Variants in LPCAT2 observed in about 807,000 individuals in gnomAD.
LPCAT2 encodes 1-AGP acyltransferase 11.
LPCAT2 carries 58 observed loss-of-function variants against 64.7 expected under a neutral mutation model. That is an observed-to-expected ratio of 0.90 (90% CI 0.73 to 1.12). The LOEUF (loss-of-function observed/expected upper bound fraction) is 1.12. Ranked by LOEUF, LPCAT2 falls within the 50% of genes most tolerant of loss-of-function variation. The probability of loss-of-function intolerance (pLI) is 0.00; values close to 1 mark genes in which losing one functional copy is unlikely to be tolerated. For synonymous variants in LPCAT2, 252 were observed against 245.3 expected (o/e 1.03, Z -0.26); for missense variants, 579 against 669.8 (o/e 0.86, Z 1.50).
chr16:55,561,822 G>T (rs1171591344), intron 11 of LPCAT2, among the ~76,000 whole-genome samples: 4 of 151,798 alleles, frequency 2.6e-5, no homozygotes, highest in African/African-American at 9.7e-5. Context: ...GAAGACATTT[G>T]GTTTTTGGTG....
chr16:55,537,651 G>A lies in LPCAT2; in HGVS notation c.852+19G>A, dbSNP rs10521321. 119,444 of 1,609,732 alleles carry A rather than the reference G, an allele frequency of 0.074. 6,379 individuals are homozygous for A. The highest frequency in any genetic ancestry group is 0.2 in the African/African-American group (14,818 of 74,718). Reference sequence around the variant, plus strand: ...AGTTGAGGTAAGTCATTCAAAATGTGGCCTTGGAACTTGAGATTTGGCCTT... The same window carrying A: ...AGTTGAGGTAAGTCATTCAAAATGTAGCCTTGGAACTTGAGATTTGGCCTT... On this transcript the variant is annotated intron_variant, in intron 8 of 13. Coordinates refer to ENST00000262134, the MANE Select transcript of LPCAT2 (RefSeq NM_017839.5).
chr16:55,511,158 G>A (rs1962926525), intron 1 of LPCAT2, among the ~76,000 whole-genome samples: 1 of 152,044 alleles, frequency 6.6e-6, no homozygotes, highest in Non-Finnish European at 1.5e-5. Context: ...GAAATAATCT[G>A]TTATTGTTTG....
chr16:55,578,792 G>A (rs1472746776), intron 12 of LPCAT2, among the ~76,000 whole-genome samples: 2 of 152,134 alleles, frequency 1.3e-5, no homozygotes, highest in Non-Finnish European at 2.9e-5. Flanking sequence ...TTTTCTTCAT[G>A]TTCTAAGACC....
chr16:55,574,357 G>C (rs1006339698), intron 11 of LPCAT2, among the ~76,000 whole-genome samples: 12 of 152,124 alleles, frequency 7.9e-5, no homozygotes, highest in African/African-American at 2.9e-4. Flanking sequence ...TCATGGCAAA[G>C]CTGAGCTCAA....
chr16:55,519,753 C>T (rs984171933), intron 1 of LPCAT2, among the ~76,000 whole-genome samples: 1 of 152,010 alleles, frequency 6.6e-6, no homozygotes, highest in Non-Finnish European at 1.5e-5. Flanking sequence ...TAAAACATAA[C>T]AATACTGAAA....
chr16:55,579,176 T>C lies in LPCAT2; in HGVS notation c.1382T>C (p.Leu461Pro), dbSNP rs1259359082. ...EEFSTILQAS[L>P]GVPDLDVSGL... ...TTCTCCACCATTCTACAGGCTTCCC[T>C]TGGAGTGCCTGACCTTGATGTTTCT... The change falls in exon 13 of 14, where the codon CTT becomes CCT. Residue 461 changes from leucine to proline, a missense_variant. Transcript: ENST00000262134. 6.2e-7 allele frequency: 1 copy of C among 1,613,484 alleles called. No individual in the cohort carries two copies. The highest frequency in any genetic ancestry group is 1.7e-5 in the Admixed American group (1 of 59,966).
At chr16:55,549,220 A>G in intron 9 of LPCAT2, 57 bp from the exon 10 acceptor site, 1 of 1,397,180 alleles carries the variant, frequency 7.2e-7, no homozygotes, top group Non-Finnish European at 9.7e-7. Context: ...CTAGTGAAAT[A>G]TGATTACTTT....
chr16:55,551,014 G>C lies in LPCAT2; in HGVS notation c.1127G>C (p.Gly376Ala), dbSNP rs201105560. 9.3e-6 allele frequency: 15 copies of C among 1,612,968 alleles called. No individual in the cohort carries two copies. Among genetic ancestry groups the C allele is most frequent in the Non-Finnish European group, 1.3e-5 (15 of 1,179,340 alleles). Residue 376 changes from glycine (G) to alanine (A), a missense_variant, in exon 11 of 14, where the codon GGA (glycine) becomes GCA (alanine). Physicochemically the swap from Gly to Ala is moderately conservative, Grantham distance 60. Transcript: ENST00000262134. ...EYASIASSSK[G>A]GRIGIEEFAK... ...GCATCTATTGCGAGTTCCTCAAAAGGAGGAAGAATTGGAATTGAAGAATTC... is the reference window on the plus strand; with the variant it reads ...GCATCTATTGCGAGTTCCTCAAAAGCAGGAAGAATTGGAATTGAAGAATTC...
intron 11 of LPCAT2, among the ~76,000 whole-genome samples, chr16:55,567,870 A>T (rs887734730): frequency 6.6e-6 from 1 of 152,086 alleles, no homozygotes; most frequent in African/African-American, 2.4e-5. Flanking sequence ...TTAAGAATGA[A>T]TTTTTTTAAT....
chr16:55,584,302 G>C lies in LPCAT2; in HGVS notation c.*1204G>C, dbSNP rs1312163449. ...AGTGGACTCTCAAATTTTAGAACTT[G>C]TGTGAAATATCTCCCAGAAAACACA... On this transcript the variant is annotated 3_prime_UTR_variant, in exon 14 of 14. Transcript: ENST00000262134. The C allele has an allele frequency of 6.6e-6, 1 of 152,128 alleles. No homozygotes were observed. Among genetic ancestry groups the C allele is most frequent in the Non-Finnish European group, 1.5e-5 (1 of 68,014 alleles). The allele number at this position is 152,128 out of a possible 1,614,324, so 9.4% of individuals were successfully genotyped here. A position where few individuals can be genotyped will look rare whatever the true frequency, so the allele number is the denominator to read the frequency against.
intron 3 of LPCAT2, 21 bp from the exon 4 acceptor site, chr16:55,529,814 A>G (rs1963225511): frequency 6.5e-7 from 1 of 1,536,626 alleles, no homozygotes; most frequent in Admixed American, 1.9e-5. Context: ...GCTTGCCTGT[A>G]ACTTTTCATT....
chr16:55,571,905 T>A (rs535357180), intron 11 of LPCAT2, among the ~76,000 whole-genome samples: 1 of 152,268 alleles, frequency 6.6e-6, no homozygotes, highest in South Asian at 2.1e-4. Flanking sequence ...TTTTCATTGG[T>A]AAAATGAAGA....
At chr16:55,552,788 G>A (rs1320782896) in intron 11 of LPCAT2, among the ~76,000 whole-genome samples, 2 of 152,186 alleles carry the variant, frequency 1.3e-5, no homozygotes, top group African/African-American at 4.8e-5. Flanking sequence ...TCAGCAAGTT[G>A]TAATCTTCTT....
At chr16:55,574,040 TG>T (rs1458988981) in intron 11 of LPCAT2, among the ~76,000 whole-genome samples, 2 of 152,218 alleles carry the variant, frequency 1.3e-5, no homozygotes, top group African/African-American at 4.8e-5. Context: ...TTATTTTCAT[TG>T]GCTTAGAAGT....
At chr16:55,529,775 A>G in intron 3 of LPCAT2, 60 bp from the exon 4 acceptor site, 1 of 800,298 alleles carries the variant, frequency 1.2e-6, no homozygotes, top group Non-Finnish European at 2.0e-6. Context: ...ATCCAGTATT[A>G]TTGCTGTGGT....
intron 7 of LPCAT2, among the ~76,000 whole-genome samples, chr16:55,535,251 A>G (rs1236240283): frequency 6.6e-6 from 1 of 152,188 alleles, no homozygotes; most frequent in Non-Finnish European, 1.5e-5. Context: ...GGTAGGTGAC[A>G]ATAACTTGGA....
In LPCAT2 at chr16:55,555,963, C is replaced by T. The variant is rs537937098; in HGVS notation, c.1215+4861C>T. The stretch of plus-strand genomic sequence containing the variant: ...CCAAGTAGCTGGGATTACAGGCATT[C>T]GCTCCTACACCTGGCTAATTTTTAT... On this transcript the variant is annotated intron_variant, in intron 11 of 13. Coordinates refer to ENST00000262134, the MANE Select transcript of LPCAT2 (RefSeq NM_017839.5). Among the ~76,000 whole-genome samples, 144 of 152,114 alleles carry T rather than the reference C, an allele frequency of 9.5e-4. No homozygotes were observed. In the Middle Eastern group the frequency reaches 0.01, roughly 11 times the overall value.
chr16:55,520,337 C>G lies in LPCAT2; in HGVS notation c.172-5171C>G, dbSNP rs147768648. Among the ~76,000 whole-genome samples the G allele has an allele frequency of 5.6e-3, 850 of 152,120 alleles. 5 individuals carry two copies. Among genetic ancestry groups the G allele is most frequent in the Admixed American group, 9.2e-3 (141 of 15,288 alleles). On this transcript the variant is annotated intron_variant, in intron 1 of 13. Coordinates refer to ENST00000262134, the MANE Select transcript of LPCAT2 (RefSeq NM_017839.5). ...CGGTCAGTGGGAAAACTTAGCAGCA[C>G]TTAATGTTTATGTACGTAATATCAG...
At chr16:55,548,038 G>A (rs1410114013) in intron 9 of LPCAT2, among the ~76,000 whole-genome samples, 2 of 152,260 alleles carry the variant, frequency 1.3e-5, no homozygotes, top group East Asian at 3.9e-4. Flanking sequence ...AAAGTGCTGG[G>A]ATTACTGGCG....
Sources: allele counts gnomAD v4.1 joint callset (sites outside exome capture counted in the v4.1 genomes callset), GRCh38; gene constraint gnomAD v4.1.1; transcripts MANE v1.5; gene names NCBI Gene and HGNC (gene_info 2026-07-23, HGNC 2026-07-21).